TUBGCP4: variants seen among roughly 807,000 people sequenced by gnomAD.
TUBGCP4 encodes the protein tubulin gamma complex component 4, also known as gamma-tubulin complex component 4.
TUBGCP4 carries 54 observed loss-of-function variants against 91.6 expected under a neutral mutation model. The observed-to-expected ratio is 0.59, with a 90% confidence interval of 0.47 to 0.74. The LOEUF (loss-of-function observed/expected upper bound fraction) is 0.74, where lower values mean the gene tolerates loss of function less well. Ranked by LOEUF, TUBGCP4 falls within the 30% of genes least tolerant of loss-of-function variation. The pLI, the probability that TUBGCP4 is intolerant of heterozygous loss-of-function variation, is 0.00. For synonymous variants in TUBGCP4, 297 were observed against 302.8 expected, an observed-to-expected ratio of 0.98 and a Z score of 0.20; for missense variants, 593 against 800.9, an observed-to-expected ratio of 0.74 and a Z score of 3.13.
chr15:43,401,566 A>G (rs1010482766), intron 14 of TUBGCP4, 150 bp from the exon 15 acceptor site: 30 of 781,220 alleles, frequency 3.8e-5, no homozygotes, highest in Non-Finnish European at 5.6e-5. Flanking sequence ...GCTGGGCAAT[A>G]TAAGGGTGTC....
chr15:43,409,603 C>G lies in TUBGCP4; in HGVS notation c.*4389C>G, dbSNP rs1326120981. Reference sequence around the variant, plus strand: ...CTCTTCTCAACACAGCAAGTTGGCTCTTATCATTGCCACTATATTAGGTTA... The same window carrying G: ...CTCTTCTCAACACAGCAAGTTGGCTGTTATCATTGCCACTATATTAGGTTA... On this transcript the variant is annotated 3_prime_UTR_variant, in exon 18 of 18. Coordinates refer to ENST00000564079, the MANE Select transcript of TUBGCP4 (RefSeq NM_014444.5). The G allele has an allele frequency of 9.0e-7, 1 of 1,110,478 alleles. No individual in the cohort carries two copies. The highest frequency in any genetic ancestry group is 1.3e-6 in the Non-Finnish European group (1 of 780,060). The allele number at this position is 1,110,478 out of a possible 1,614,324, so 68.8% of individuals were successfully genotyped here.
chr15:43,395,008 GTCT>G, intron 9 of TUBGCP4, 96 bp from the exon 10 acceptor site: 2 of 1,310,160 alleles, frequency 1.5e-6, no homozygotes, highest in Admixed American at 1.7e-5. Context: ...GCAAGGTATA[GTCT>G]TCTTTTAATA....
Position 43,398,680 on chromosome 15 carries a change from C to T in TUBGCP4, c.1418+501C>T, listed in dbSNP as rs548326771. 1.4e-4 allele frequency among the ~76,000 whole-genome samples: 22 copies of T among 152,290 alleles called. 1 individual carries two copies. The highest frequency in any genetic ancestry group is 1.4e-3 in the Admixed American group (22 of 15,310). On this transcript the variant is annotated intron_variant, in intron 13 of 17. Transcript: ENST00000564079. ...ATGGCCCTTGATGATTCCATCACAC[C>T]TGACAAGGTCTCTCCCTCACTTTTG... is the stretch of plus-strand genomic sequence containing the variant.
In TUBGCP4 at chr15:43,406,456, T is replaced by C. The variant is rs977855577; in HGVS notation, c.*1242T>C. ...CAAACTATGGCCTGCTGTCTGTTTT[T>C]GTACAGTTTTACTGAAACACAGCCA... On this transcript the variant is annotated 3_prime_UTR_variant, in exon 18 of 18. Transcript: ENST00000564079. 2 of 363,158 alleles carry C rather than the reference T, an allele frequency of 5.5e-6. No homozygotes were observed. The highest frequency in any genetic ancestry group is 4.3e-5 in the African/African-American group (2 of 47,034). 22.5% of individuals were successfully genotyped at this position (363,158 alleles called of 1,614,324 possible).
At position 43,404,281 on chromosome 15, in the gene TUBGCP4, T is replaced by C. The variant is rs2044780386; in HGVS notation, c.1849-132T>C. The C allele has an allele frequency of 2.4e-5, 25 of 1,024,298 alleles. No individual in the cohort carries two copies. The South Asian group carries it at 3.9e-4, about 16-fold the overall frequency. 63.5% of individuals were successfully genotyped at this position (1,024,298 alleles called of 1,614,324 possible). On this transcript the variant is annotated intron_variant, in intron 16 of 17. Coordinates refer to ENST00000564079, the MANE Select transcript of TUBGCP4 (RefSeq NM_014444.5). ...TTTTAGGAACTAATAGAAATAGGAA[T>C]GTGGGAAGGCCAGGTGGTTCTGTAG... is the stretch of plus-strand genomic sequence containing the variant.
chr15:43,403,678 G>A lies in TUBGCP4; in HGVS notation c.1732-5G>A, dbSNP rs762108781. On this transcript the variant is annotated splice_region_variant and splice_polypyrimidine_tract_variant and intron_variant, in intron 15 of 17. Transcript: ENST00000564079. The stretch of plus-strand genomic sequence containing the variant: ...TTCCTAATGCCAACTCTGTTTCCCG[G>A]GTAGGTGTTTCACTGCCTGAATGAA... 8.1e-6 allele frequency: 13 copies of A among 1,606,510 alleles called. No homozygotes were observed. In the Admixed American group the frequency reaches 2.0e-4, roughly 25 times the overall value.
Position 43,406,249 on chromosome 15 carries a change from T to A in TUBGCP4, c.*1035T>A, listed in dbSNP as rs1221789216. The A allele has an allele frequency of 1.6e-5, 3 of 189,528 alleles. No homozygotes were observed. Among genetic ancestry groups the A allele is most frequent in the East Asian group, 2.8e-4 (2 of 7,090 alleles). The allele number at this position is 189,528 out of a possible 1,614,324, so 11.7% of individuals were successfully genotyped here. A position where few individuals can be genotyped will look rare whatever the true frequency, so the allele number is the denominator to read the frequency against. On this transcript the variant is annotated 3_prime_UTR_variant, in exon 18 of 18. Transcript: ENST00000564079. Reference sequence around the variant, plus strand: ...ATATCAGTGTAAGTAAAAAGAAATATTCACTGAACAACGCCCTCCAAACTG... The same window carrying A: ...ATATCAGTGTAAGTAAAAAGAAATAATCACTGAACAACGCCCTCCAAACTG...
chr15:43,387,483 A>G (rs768462412), intron 9 of TUBGCP4, among the ~76,000 whole-genome samples: 5 of 152,116 alleles, frequency 3.3e-5, no homozygotes, highest in Non-Finnish European at 7.4e-5. Context: ...TTATCTTTTT[A>G]TGGAGTCTTG....
intron 9 of TUBGCP4, among the ~76,000 whole-genome samples, chr15:43,388,944 C>T (rs568343794): frequency 6.6e-6 from 1 of 152,252 alleles, no homozygotes; most frequent in East Asian, 1.9e-4. Flanking sequence ...CTATGTGAAT[C>T]TATTTCTGTA....
intron 16 of TUBGCP4, 160 bp downstream of exon 16, chr15:43,403,959 T>G (rs2044768119): frequency 1.6e-6 from 1 of 607,446 alleles, no homozygotes; most frequent in Admixed American, 2.7e-5. Context: ...CAGTTGATTT[T>G]GAAGCAGGTA....
intron 9 of TUBGCP4, chr15:43,394,813 G>T: frequency 2.4e-6 from 1 of 418,520 alleles, no homozygotes; most frequent in Non-Finnish European, 4.4e-6. Context: ...CTTCTGCCAT[G>T]ATTGTAAGTT....
Position 43,386,191 on chromosome 15 carries a change from C to A in TUBGCP4, c.890-15C>A. On this transcript the variant is annotated splice_polypyrimidine_tract_variant and intron_variant, in intron 8 of 17. Coordinates refer to ENST00000564079, the MANE Select transcript of TUBGCP4 (RefSeq NM_014444.5). ...ATTCTCCGTCCTCCTTTGACGGTGT[C>A]TTCCTATTTTGCAGGATCCATTTTG... The A allele has an allele frequency of 6.2e-7, 1 of 1,601,286 alleles. No individual in the cohort carries two copies. Among genetic ancestry groups the A allele is most frequent in the South Asian group, 1.1e-5 (1 of 89,166 alleles).
At chr15:43,378,464 T>TTGG (rs1232111121) in intron 5 of TUBGCP4, among the ~76,000 whole-genome samples, 1 of 152,248 alleles carries the variant, frequency 6.6e-6, no homozygotes, top group Non-Finnish European at 1.5e-5. Flanking sequence ...TCCTATTGAA[T>TTGG]TGGTCCACAA....
Position 43,409,581 on chromosome 15 carries a change from T to C in TUBGCP4, c.*4367T>C, listed in dbSNP as rs2045042784. 2.2e-6 allele frequency: 2 copies of C among 909,252 alleles called. No individual in the cohort carries two copies. The highest frequency in any genetic ancestry group is 5.8e-5 in the Admixed American group (2 of 34,336). The allele number at this position is 909,252 out of a possible 1,614,324, so 56.3% of individuals were successfully genotyped here. A position where few individuals can be genotyped will look rare whatever the true frequency, so the allele number is the denominator to read the frequency against. ...GGTTCCCCAACCCCTCCCAGGCCTC[T>C]TCTCAACACAGCAAGTTGGCTCTTA... On this transcript the variant is annotated 3_prime_UTR_variant, in exon 18 of 18. Coordinates refer to ENST00000564079, the MANE Select transcript of TUBGCP4 (RefSeq NM_014444.5).
At chr15:43,383,545 G>C (rs1595483048) in intron 7 of TUBGCP4, 41 bp downstream of exon 7, 1 of 1,520,002 alleles carries the variant, frequency 6.6e-7, no homozygotes, top group South Asian at 1.3e-5. Flanking sequence ...CCTGCCAGGA[G>C]TCAGAAAAGC....
intron 5 of TUBGCP4, among the ~76,000 whole-genome samples, chr15:43,378,371 A>G (rs558231784): frequency 4.6e-5 from 7 of 152,300 alleles, no homozygotes; most frequent in Admixed American, 4.6e-4. Context: ...GTGTATTGAG[A>G]AGTTAGGAGA....
rs1484612612 is a variant in TUBGCP4 at position 43,409,391 on chromosome 15, C to T, written c.*4177C>T. On this transcript the variant is annotated 3_prime_UTR_variant, in exon 18 of 18. Coordinates refer to ENST00000564079, the MANE Select transcript of TUBGCP4 (RefSeq NM_014444.5). ...TCAGCAACCCTAATAGGGGTTTCTA[C>T]TACTAAACATAAACATCAATCTTCT... The T allele has an allele frequency of 2.4e-5, 13 of 550,960 alleles. No homozygotes were observed. The highest frequency in any genetic ancestry group is 4.2e-5 in the Non-Finnish European group (13 of 311,420). 34.1% of individuals were successfully genotyped at this position (550,960 alleles called of 1,614,324 possible).
chr15:43,387,000 C>T (rs2044385614), intron 9 of TUBGCP4, among the ~76,000 whole-genome samples: 1 of 152,190 alleles, frequency 6.6e-6, no homozygotes, highest in African/African-American at 2.4e-5. Flanking sequence ...TTGGATCTGT[C>T]TCTATCGTTT....
chr15:43,407,188 CAAAAAAACAGAT>C lies in TUBGCP4; in HGVS notation c.*1975_*1986del, dbSNP rs2044928956. The C allele has an allele frequency of 1.8e-6, 1 of 570,936 alleles. No individual in the cohort carries two copies. The allele number at this position is 570,936 out of a possible 1,614,324, so 35.4% of individuals were successfully genotyped here. A position where few individuals can be genotyped will look rare whatever the true frequency, so the allele number is the denominator to read the frequency against. ...TTGTCATTTGTTCTGAGATTAAGCT[CAAAAAAACAGAT>C]GAAGAAATCCCAGTTACTACAACCA... On this transcript the variant is annotated 3_prime_UTR_variant, in exon 18 of 18. Transcript: ENST00000564079.
Sources: gnomAD v4.1 joint callset for allele counts (sites outside exome capture counted in the v4.1 genomes callset) on GRCh38, gnomAD v4.1.1 for gene constraint, MANE v1.5 for transcripts, NCBI Gene and HGNC (gene_info 2026-07-23, HGNC 2026-07-21) for gene names.